TBC1D1: variants seen among roughly 807,000 people sequenced by gnomAD.
TBC1D1 encodes the protein TBC1 (tre-2/USP6, BUB2, cdc16) domain family, member 1.
TBC1D1 carries 89 observed loss-of-function variants against 125.6 expected under a neutral mutation model. That is an observed-to-expected ratio of 0.71 (90% CI 0.60 to 0.85). TBC1D1 has a LOEUF of 0.85. TBC1D1 is among the 40% of genes least tolerant of loss of function. The pLI is 0.00. For missense variants in TBC1D1, 1,377 were observed against 1,469.2 expected (o/e 0.94, Z 1.03); for synonymous variants, 565 against 564.1 (o/e 1.00, Z -0.02).
At chr4:38,106,580 G>A (rs1425054290) in intron 15 of TBC1D1, among the ~76,000 whole-genome samples, 7 of 152,186 alleles carry the variant, frequency 4.6e-5, no homozygotes, top group Non-Finnish European at 1.0e-4. Context: ...GAGGCTGAAA[G>A]GGAGGAATGC....
chr4:37,969,497 C>G (rs1445206311), intron 2 of TBC1D1, among the ~76,000 whole-genome samples: 2 of 152,200 alleles, frequency 1.3e-5, no homozygotes, highest in African/African-American at 4.8e-5. Flanking sequence ...CATCCACTAC[C>G]ACCATGCCTG....
At chr4:38,011,353 CAA>C (rs547785950) in intron 2 of TBC1D1, among the ~76,000 whole-genome samples, 12 of 71,344 alleles carry the variant, frequency 1.7e-4, no homozygotes, top group Non-Finnish European at 1.2e-4. Context: ...AACTCCATCT[CAA>C]AAAAAAAAAA....
Position 37,977,833 on chromosome 4 carries a change from C to G in TBC1D1, c.418-36676C>G, listed in dbSNP as rs1733526849. Among the ~76,000 whole-genome samples the G allele has an allele frequency of 1.3e-5, 2 of 152,120 alleles. No homozygotes were observed. The highest frequency in any genetic ancestry group is 1.3e-4 in the Admixed American group (2 of 15,290). On this transcript the variant is annotated intron_variant, in intron 2 of 19. Transcript: ENST00000261439. This position sits in a 1 kb window ranked among gnomAD's most constrained non-coding sequence, Gnocchi z 4.3. ...GGCTCCTCCGGCCCCTGTCGCTCCC[C>G]GCGCCGCGGAGCTGCCGCTCGGTGC...
intron 14 of TBC1D1, 79 bp from the exon 17 acceptor site, chr4:38,102,920 A>G: frequency 6.9e-7 from 1 of 1,454,086 alleles, no homozygotes; most frequent in Admixed American, 2.3e-5. Flanking sequence ...GATAAATGGA[A>G]CATGAAACAC....
chr4:37,894,124 G>T (rs372156657), intron 1 of TBC1D1, among the ~76,000 whole-genome samples: 12 of 151,944 alleles, frequency 7.9e-5, no homozygotes, highest in African/African-American at 2.7e-4. Context: ...AAGTAGCTGG[G>T]ACTACAGGCG....
At chr4:37,892,741 A>T (rs753525345) in intron 1 of TBC1D1, among the ~76,000 whole-genome samples, 63 of 152,118 alleles carry the variant, frequency 4.1e-4, no homozygotes, top group Non-Finnish European at 7.2e-4. Flanking sequence ...CCACGACAGC[A>T]TTTCTGGTTG....
intron 16 of TBC1D1, among the ~76,000 whole-genome samples, chr4:38,117,513 A>ATATAT (rs1390690675): frequency 2.0e-5 from 3 of 152,204 alleles, no homozygotes; most frequent in African/African-American, 7.2e-5. Context: ...TGGATATTCC[A>ATATAT]TATATTATAC....
intron 2 of TBC1D1, chr4:37,960,687 C>T (rs777402828): frequency 2.5e-6 from 4 of 1,614,184 alleles, no homozygotes; most frequent in Non-Finnish European, 3.4e-6. Context: ...AAAACAAAAA[C>T]AGCCAAGCTT....
chr4:37,968,814 G>A (rs1731524595), intron 2 of TBC1D1, among the ~76,000 whole-genome samples: 1 of 152,188 alleles, frequency 6.6e-6, no homozygotes. Context: ...GGGGTTGGGA[G>A]AGGGAGTGTG....
At chr4:38,106,851 G>T (rs969857661) in intron 15 of TBC1D1, among the ~76,000 whole-genome samples, 2 of 152,124 alleles carry the variant, frequency 1.3e-5, no homozygotes, top group African/African-American at 4.8e-5. Context: ...CCCCACCACG[G>T]CCTCCCCTGC....
chr4:38,000,470 A>G (rs1185694233), intron 2 of TBC1D1, among the ~76,000 whole-genome samples: 1 of 152,194 alleles, frequency 6.6e-6, no homozygotes, highest in East Asian at 1.9e-4. Context: ...TGAAAATCCA[A>G]AATGCTCTGA....
intron 13 of TBC1D1, among the ~76,000 whole-genome samples, chr4:38,095,542 T>G (rs968392317): frequency 2.6e-5 from 4 of 152,240 alleles, no homozygotes; most frequent in African/African-American, 9.6e-5. Flanking sequence ...TCTCCTAGTT[T>G]AGATGAAAAA....
In TBC1D1 at chr4:38,014,725, C is replaced by G; in HGVS notation, c.634C>G (p.Pro212Ala). The G allele has an allele frequency of 1.9e-6, 3 of 1,596,674 alleles. No homozygotes were observed. Among genetic ancestry groups the G allele is most frequent in the Non-Finnish European group, 2.6e-6 (3 of 1,166,468 alleles). ...CAGCGGCAGCCGGGGGTCCGAGAGC[C>G]CCCGCCCCAACCCGCCCCATGCCGC... The change falls in exon 3 of 20, where the codon CCC (proline) becomes GCC (alanine). Residue 212 changes from proline (P) to alanine (A), a missense_variant. Transcript: ENST00000261439. This position sits in a 1 kb window ranked among gnomAD's most constrained non-coding sequence, Gnocchi z 5.1.
intron 2 of TBC1D1, among the ~76,000 whole-genome samples, chr4:37,997,247 A>G (rs1041325946): frequency 6.6e-6 from 1 of 152,244 alleles, no homozygotes. Context: ...TTCATCTTAG[A>G]TAATTATCTA....
In TBC1D1 at chr4:38,049,766, G is replaced by A. The variant is rs577001415; in HGVS notation, c.1778G>A (p.Arg593Gln). The A allele has an allele frequency of 5.0e-6, 8 of 1,614,166 alleles. No homozygotes were observed. Among genetic ancestry groups the A allele is most frequent in the Middle Eastern group, 1.6e-4 (1 of 6,062 alleles). Residue 593 changes from arginine (R) to glutamine (Q), a missense_variant, in exon 11 of 20, where the codon CGA becomes CAA. Coordinates refer to ENST00000261439, the MANE Select transcript of TBC1D1 (RefSeq NM_015173.4). ...TCGCCCCAGCAGGCCTTCAGGAGGC[G>A]AGCAAACACCCTGAGTCACTTCCCC...
intron 2 of TBC1D1, among the ~76,000 whole-genome samples, chr4:37,989,177 G>C (rs1363622336): frequency 6.6e-6 from 1 of 152,146 alleles, no homozygotes; most frequent in Non-Finnish European, 1.5e-5. Flanking sequence ...GGTCTGATAA[G>C]ATCTCTGAAG....
intron 18 of TBC1D1, among the ~76,000 whole-genome samples, chr4:38,129,661 T>C (rs1435296647): frequency 6.6e-6 from 1 of 152,156 alleles, no homozygotes; most frequent in African/African-American, 2.4e-5. Context: ...TATTAATCAG[T>C]GTCCATGGAC....
intron 16 of TBC1D1, 68 bp from the exon 19 acceptor site, chr4:38,117,965 G>T (rs74726847): frequency 0.017 from 23,655 of 1,431,530 alleles, 240 homozygotes; most frequent in Non-Finnish European, 0.021. Flanking sequence ...CACCCTGTGA[G>T]CAGTAGGCAT....
intron 2 of TBC1D1, among the ~76,000 whole-genome samples, chr4:37,918,964 A>C (rs1720319669): frequency 1.3e-5 from 2 of 152,154 alleles, no homozygotes; most frequent in Non-Finnish European, 2.9e-5. Flanking sequence ...CTGTTGAATA[A>C]ATTTCCTTCT....
Sources: gnomAD v4.1 joint callset for allele counts (sites outside exome capture counted in the v4.1 genomes callset) on GRCh38, gnomAD v4.1.1 for gene constraint, Gnocchi (gnomAD v3.1) non-coding constraint, MANE v1.5 for transcripts, NCBI Gene and HGNC (gene_info 2026-07-23, HGNC 2026-07-21) for gene names.